PTPN9: variants seen among roughly 807,000 people sequenced by gnomAD.
PTPN9 encodes the protein tyrosine-protein phosphatase non-receptor type 9.
In PTPN9, 26 loss-of-function variants were observed where a neutral mutation model predicts 69.8. The ratio of observed to expected loss-of-function variants is 0.37; its 90% CI spans 0.27 to 0.52. The LOEUF is 0.52. Among genes scored for constraint, PTPN9 ranks in the 20% least tolerant of loss-of-function variants. The pLI, the probability that PTPN9 is intolerant of heterozygous loss-of-function variation, is 0.91. For missense variants in PTPN9, 549 were observed against 740.3 expected (o/e 0.74, Z 3.00); for synonymous variants, 274 against 272.5 (o/e 1.01, Z -0.05).
In PTPN9 at chr15:75,516,943, C is replaced by T. The variant is rs143798374; in HGVS notation, c.528+316G>A. On this transcript the variant is annotated intron_variant, in intron 5 of 12. Coordinates refer to ENST00000618819, the MANE Select transcript of PTPN9 (RefSeq NM_002833.4). ...TGTTTTTAGTAGAGACAGGGTTTCA[C>T]CATGTTGGCCAGGATGGTCTTGATC... Among the ~76,000 whole-genome samples the T allele has an allele frequency of 1.6e-3, 238 of 151,600 alleles. 1 individual carries two copies. Among genetic ancestry groups the T allele is most frequent in the South Asian group, 0.011 (52 of 4,794 alleles).
chr15:75,471,910 T>G (rs1460475060), intron 10 of PTPN9, among the ~76,000 whole-genome samples: 1 of 151,306 alleles, frequency 6.6e-6, no homozygotes, highest in Non-Finnish European at 1.5e-5. Flanking sequence ...ACCACTTAAC[T>G]CCAGCCTGCA....
At chr15:75,546,792 A>G (rs2141333087) in intron 1 of PTPN9, among the ~76,000 whole-genome samples, 1 of 152,292 alleles carries the variant, frequency 6.6e-6, no homozygotes, top group East Asian at 1.9e-4. Flanking sequence ...TACACTGGAC[A>G]TTATCCAGAC....
chr15:75,565,092 C>A (rs1192480008), intron 1 of PTPN9, among the ~76,000 whole-genome samples: 1 of 143,984 alleles, frequency 6.9e-6, no homozygotes, highest in Admixed American at 7.2e-5. Context: ...CAGAAAAAGA[C>A]TCCGTCTCAA....
intron 5 of PTPN9, among the ~76,000 whole-genome samples, chr15:75,511,617 A>C (rs1037320668): frequency 1.3e-5 from 2 of 151,960 alleles, no homozygotes; most frequent in Non-Finnish European, 2.9e-5. Flanking sequence ...GGAATCTGAC[A>C]TTTTTTTCTA....
rs367608596 is a variant in PTPN9 at position 75,524,310 on chromosome 15, G to T, written c.208-12C>A. 1.2e-5 allele frequency: 19 copies of T among 1,556,656 alleles called. No individual in the cohort carries two copies. Among genetic ancestry groups the T allele is most frequent in the Non-Finnish European group, 1.4e-5 (16 of 1,128,632 alleles). ...TTCCTTCGAGTTTCCTAAAAAGGAA[G>T]CACAGCAAAATGTATTAATATGAAA... On this transcript the variant is annotated splice_polypyrimidine_tract_variant and intron_variant, in intron 2 of 12. Coordinates refer to ENST00000618819, the MANE Select transcript of PTPN9 (RefSeq NM_002833.4).
At chr15:75,536,370 A>G (rs2074982374) in intron 1 of PTPN9, among the ~76,000 whole-genome samples, 1 of 152,226 alleles carries the variant, frequency 6.6e-6, no homozygotes, top group Non-Finnish European at 1.5e-5. Context: ...CAATCATTTA[A>G]CTATGGAGAC....
At chr15:75,555,430 T>C (rs1289676063) in intron 1 of PTPN9, among the ~76,000 whole-genome samples, 1 of 151,974 alleles carries the variant, frequency 6.6e-6, no homozygotes, top group African/African-American at 2.4e-5. Context: ...CACCTCGGAG[T>C]TTCTGATTCA....
At chr15:75,481,259 G>A (rs1372561168) in intron 8 of PTPN9, among the ~76,000 whole-genome samples, 12 of 93,852 alleles carry the variant, frequency 1.3e-4, no homozygotes, top group African/African-American at 4.9e-4. Context: ...GAGAAGTGAG[G>A]AGCCTCTCCG....
intron 1 of PTPN9, among the ~76,000 whole-genome samples, chr15:75,568,627 G>A (rs1041129443): frequency 2.0e-4 from 30 of 150,962 alleles, no homozygotes; most frequent in African/African-American, 7.3e-4. Context: ...TTGAACACAA[G>A]AGTTCGGGAC....
chr15:75,501,567 T>C (rs1045277828), intron 7 of PTPN9, among the ~76,000 whole-genome samples: 3 of 151,546 alleles, frequency 2.0e-5, no homozygotes, highest in African/African-American at 7.3e-5. Context: ...CGGGCTCAAG[T>C]GATCCTCCTG....
rs767302455 is a variant in PTPN9 at position 75,469,781 on chromosome 15, A to C, written c.1567+11T>G. 1.2e-6 allele frequency: 2 copies of C among 1,611,502 alleles called. No individual in the cohort carries two copies. The highest frequency in any genetic ancestry group is 1.7e-6 in the Non-Finnish European group (2 of 1,179,260). Reference sequence around the variant, plus strand: ...CCCTGCAGACACCAAGAGCTGCATTAGGTGCGTTACCTGTCCTGCCAATGC... The same window carrying C: ...CCCTGCAGACACCAAGAGCTGCATTCGGTGCGTTACCTGTCCTGCCAATGC... On this transcript the variant is annotated intron_variant, in intron 12 of 12. Coordinates refer to ENST00000618819, the MANE Select transcript of PTPN9 (RefSeq NM_002833.4).
intron 1 of PTPN9, among the ~76,000 whole-genome samples, chr15:75,564,278 C>G (rs1020740843): frequency 6.6e-6 from 1 of 151,900 alleles, no homozygotes; most frequent in Non-Finnish European, 1.5e-5. Context: ...AAAAGAGAAA[C>G]ACTTGAAGGG....
chr15:75,519,070 T>C (rs1040258471), intron 4 of PTPN9, among the ~76,000 whole-genome samples: 1 of 152,304 alleles, frequency 6.6e-6, no homozygotes, highest in South Asian at 2.1e-4. Context: ...GAGAAAATGT[T>C]TGGCACAAAA....
intron 1 of PTPN9, among the ~76,000 whole-genome samples, chr15:75,546,416 G>A (rs1199023771): frequency 6.6e-6 from 1 of 152,090 alleles, no homozygotes; most frequent in East Asian, 1.9e-4. Context: ...GGCCGAGGCG[G>A]GCAGATCACG....
intron 1 of PTPN9, among the ~76,000 whole-genome samples, chr15:75,552,879 A>G (rs942607387): frequency 2.0e-5 from 3 of 150,870 alleles, no homozygotes; most frequent in African/African-American, 7.3e-5. Flanking sequence ...TTTAGCTAAG[A>G]GAACAAATAT....
chr15:75,469,328 A>G (rs2074551972), intron 12 of PTPN9, among the ~76,000 whole-genome samples: 1 of 152,274 alleles, frequency 6.6e-6, no homozygotes, highest in Non-Finnish European at 1.5e-5. Flanking sequence ...GAGGCCTAAC[A>G]AAAACCTATT....
At chr15:75,503,290 C>T (rs1426047198) in intron 7 of PTPN9, among the ~76,000 whole-genome samples, 2 of 145,472 alleles carry the variant, frequency 1.4e-5, no homozygotes, top group East Asian at 4.2e-4. Flanking sequence ...GCCCCGCTGC[C>T]CCGTCTGGGA....
intron 6 of PTPN9, among the ~76,000 whole-genome samples, chr15:75,506,536 G>T (rs1361192311): frequency 1.3e-5 from 2 of 151,938 alleles, no homozygotes; most frequent in Admixed American, 6.6e-5. Context: ...TTGAGACAGG[G>T]TCTCACTTTT....
intron 7 of PTPN9, among the ~76,000 whole-genome samples, chr15:75,500,237 G>A (rs1280976103): frequency 2.0e-5 from 3 of 151,564 alleles, no homozygotes; most frequent in Non-Finnish European, 2.9e-5. Context: ...TGCTTGAGCC[G>A]GGAGATGGAG....
Sources: allele counts gnomAD v4.1 joint callset (sites outside exome capture counted in the v4.1 genomes callset), GRCh38; gene constraint gnomAD v4.1.1; transcripts MANE v1.5; gene names NCBI Gene and HGNC (gene_info 2026-07-23, HGNC 2026-07-21).